The following TUBGCP3 variants were observed in gnomAD, a reference collection of about 807,000 sequenced individuals.
TUBGCP3 encodes the protein gamma-tubulin complex component 3.
In TUBGCP3, 50 loss-of-function variants were observed where a neutral mutation model predicts 123.1. That is an observed-to-expected ratio of 0.41 (90% CI 0.32 to 0.51). TUBGCP3 has a LOEUF of 0.51. Among genes scored for constraint, TUBGCP3 ranks in the 20% least tolerant of loss-of-function variants. TUBGCP3 has a pLI of 0.36. For missense variants in TUBGCP3, 882 were observed against 1,127.0 expected, an observed-to-expected ratio of 0.78 and a Z score of 3.11; for synonymous variants, 405 against 413.9, an observed-to-expected ratio of 0.98 and a Z score of 0.26.
At chr13:112,587,655 C>G (rs575523218) in intron 1 of TUBGCP3, among the ~76,000 whole-genome samples, 1 of 152,284 alleles carries the variant, frequency 6.6e-6, no homozygotes, top group East Asian at 1.9e-4. Context: ...GTTCTCGCCC[C>G]GGCCTTGGCC....
At chr13:112,595,959 A>T in the TUBGCP3 span, among the ~76,000 whole-genome samples, 1 of 152,000 alleles carries the variant, frequency 6.6e-6, no homozygotes, top group African/African-American at 2.4e-5. Flanking sequence ...TTCCCAGTGC[A>T]TCTTTTTTGA....
intron 9 of TUBGCP3, 72 bp downstream of exon 9, chr13:112,548,036 A>G: frequency 8.3e-7 from 1 of 1,207,004 alleles, no homozygotes; most frequent in South Asian, 1.6e-5. Flanking sequence ...AGGAACTTAA[A>G]ACATTCTATA....
chr13:112,549,989 CAAAAAAA>C (rs750596642), intron 8 of TUBGCP3, among the ~76,000 whole-genome samples: 8 of 40,200 alleles, frequency 2.0e-4, no homozygotes, highest in Admixed American at 4.0e-4. Flanking sequence ...GACTCCATCT[CAAAAAAA>C]AAAAAAAAAA....
intron 17 of TUBGCP3, among the ~76,000 whole-genome samples, chr13:112,505,473 G>A (rs112838864): frequency 3.3e-5 from 5 of 152,338 alleles, no homozygotes; most frequent in African/African-American, 7.2e-5. Context: ...GACTTGCTAC[G>A]CATGCAGTTG....
At chr13:112,546,623 T>A (rs1038657787) in intron 10 of TUBGCP3, 1 of 152,258 alleles carries the variant, frequency 6.6e-6, no homozygotes, top group African/African-American at 2.4e-5. Flanking sequence ...GGACAGCAGC[T>A]CTTATAACAG....
rs769584279 is a variant in TUBGCP3 at position 112,504,197 on chromosome 13, C to T, written c.2176-34G>A. The T allele has an allele frequency of 5.6e-6, 9 of 1,613,562 alleles. No homozygotes were observed. The South Asian group carries it at 9.9e-5, about 18-fold the overall frequency. On this transcript the variant is annotated intron_variant, in intron 18 of 21. Transcript: ENST00000261965. ...CAACAATTTAAAGACGCTAGATAAG[C>T]TCATGTCCTTCCTAGTGTAGCATCA...
At chr13:112,501,413 G>C (rs1018195195) in intron 19 of TUBGCP3, among the ~76,000 whole-genome samples, 5 of 152,178 alleles carry the variant, frequency 3.3e-5, no homozygotes, top group Non-Finnish European at 7.3e-5. Flanking sequence ...GGGCTCTGCT[G>C]GCAATCTGTC....
At chr13:112,544,295 T>C (rs916251371) in intron 11 of TUBGCP3, among the ~76,000 whole-genome samples, 11 of 151,568 alleles carry the variant, frequency 7.3e-5, no homozygotes, top group Non-Finnish European at 1.3e-4. Flanking sequence ...CTACTAAAAA[T>C]ACAAAAATTA....
chr13:112,562,566 G>A (rs998020697), intron 3 of TUBGCP3, among the ~76,000 whole-genome samples: 1 of 152,168 alleles, frequency 6.6e-6, no homozygotes, highest in African/African-American at 2.4e-5. Flanking sequence ...AGCCAACCGG[G>A]AGACACACAG....
At chr13:112,527,337 A>G in intron 12 of TUBGCP3, 37 bp downstream of exon 12, 1 of 1,436,908 alleles carries the variant, frequency 7.0e-7, no homozygotes, top group Non-Finnish European at 9.4e-7. Context: ...ACATAGCCAT[A>G]AAACATCAAA....
intron 1 of TUBGCP3, among the ~76,000 whole-genome samples, chr13:112,573,357 G>A (rs981408566): frequency 1.3e-5 from 2 of 152,016 alleles, no homozygotes; most frequent in Non-Finnish European, 2.9e-5. Flanking sequence ...CAAAAAGATG[G>A]AAATTACGAC....
Position 112,549,764 on chromosome 13 carries a change from C to T in TUBGCP3, c.967-1588G>A, listed in dbSNP as rs1001143453. 4.6e-5 allele frequency among the ~76,000 whole-genome samples: 7 copies of T among 151,848 alleles called. No individual in the cohort carries two copies. In the East Asian group the frequency reaches 9.7e-4, roughly 21 times the overall value. The stretch of plus-strand genomic sequence containing the variant: ...TAGCACTTTGGGAGGCCAAGGCGGG[C>T]GGATCACGAGGCCAGGAGATCGAGA... On this transcript the variant is annotated intron_variant, in intron 8 of 21. Transcript: ENST00000261965.
intron 8 of TUBGCP3, among the ~76,000 whole-genome samples, chr13:112,552,189 G>C (rs922990423): frequency 9.2e-5 from 14 of 152,198 alleles, no homozygotes; most frequent in Non-Finnish European, 1.8e-4. Flanking sequence ...CTATAGTGAT[G>C]ATCAATCCAT....
At chr13:112,522,264 A>G (rs954359759) in intron 14 of TUBGCP3, 56 bp downstream of exon 14, 3 of 1,314,074 alleles carry the variant, frequency 2.3e-6, no homozygotes, top group Admixed American at 2.4e-5. Flanking sequence ...TAAATACAAG[A>G]TTCCTTATCA....
chr13:112,602,299 G>A, the TUBGCP3 span, among the ~76,000 whole-genome samples: 8 of 152,166 alleles, frequency 5.3e-5, no homozygotes, highest in Non-Finnish European at 8.8e-5. Context: ...AAAGAAAGAA[G>A]TTAATGAGTT....
At chr13:112,549,851 G>T (rs142939358) in intron 8 of TUBGCP3, among the ~76,000 whole-genome samples, 8 of 151,868 alleles carry the variant, frequency 5.3e-5, no homozygotes, top group East Asian at 1.9e-4. Context: ...TTAGCCGGGC[G>T]TGTTGGCGGG....
chr13:112,504,259 G>A (rs540317888), intron 18 of TUBGCP3, 96 bp from the exon 19 acceptor site: 41 of 1,482,362 alleles, frequency 2.8e-5, no homozygotes, highest in Admixed American at 2.7e-4. Flanking sequence ...AGGCCGAGGC[G>A]GGCAGATCAC....
intron 16 of TUBGCP3, among the ~76,000 whole-genome samples, 158 bp downstream of exon 16, chr13:112,518,817 C>T (rs558713564): frequency 6.6e-6 from 1 of 152,246 alleles, no homozygotes; most frequent in South Asian, 2.1e-4. Context: ...TTAAAACACA[C>T]ACACAATTTT....
chr13:112,560,005 G>C (rs1185146467), intron 3 of TUBGCP3, among the ~76,000 whole-genome samples: 1 of 152,006 alleles, frequency 6.6e-6, no homozygotes, highest in South Asian at 2.1e-4. Flanking sequence ...GTGGTATCAC[G>C]CACCTGTAGT....
Sources: gnomAD v4.1 joint callset for allele counts (sites outside exome capture counted in the v4.1 genomes callset) on GRCh38, gnomAD v4.1.1 for gene constraint, MANE v1.5 for transcripts, NCBI Gene and HGNC (gene_info 2026-07-23, HGNC 2026-07-21) for gene names.